Variants in ANO10 observed in about 807,000 individuals in gnomAD.
ANO10 encodes anoctamin 10.
In ANO10, 77 loss-of-function variants were observed where a neutral mutation model predicts 74.7. The observed-to-expected ratio is 1.03, with a 90% CI of 0.86 to 1.25. The LOEUF is 1.25. ANO10 is among the 50% of genes most tolerant of loss of function. The pLI is 0.00. For synonymous variants in ANO10, 279 were observed against 284.9 expected, an observed-to-expected ratio of 0.98 and a Z score of 0.21; for missense variants, 721 against 778.1, an observed-to-expected ratio of 0.93 and a Z score of 0.87.
intron 11 of ANO10, among the ~76,000 whole-genome samples, chr3:43,542,618 C>T (rs6809134): frequency 0.22 from 33,807 of 152,120 alleles, 4,293 homozygotes; most frequent in Middle Eastern, 0.36. Flanking sequence ...CCAATGTCTC[C>T]ATTTTATATC....
At chr3:43,683,383 G>T (rs2084227965) in intron 1 of ANO10, among the ~76,000 whole-genome samples, 1 of 152,124 alleles carries the variant, frequency 6.6e-6, no homozygotes, top group East Asian at 1.9e-4. Context: ...GGACATGAAG[G>T]ACCTCTTCAA....
intron 1 of ANO10, among the ~76,000 whole-genome samples, chr3:43,642,598 C>T (rs1212531261): frequency 6.6e-6 from 1 of 151,866 alleles, no homozygotes; most frequent in African/African-American, 2.4e-5. Context: ...TTTATGTGGT[C>T]CCAAAGTTAA....
chr3:43,408,232 G>T (rs932696971), intron 12 of ANO10, among the ~76,000 whole-genome samples: 1 of 152,186 alleles, frequency 6.6e-6, no homozygotes, highest in Non-Finnish European at 1.5e-5. Context: ...ACTACAGCTT[G>T]TTACCATAAT....
chr3:43,663,106 C>T (rs1386913826), intron 1 of ANO10, among the ~76,000 whole-genome samples: 6 of 152,162 alleles, frequency 3.9e-5, no homozygotes, highest in Non-Finnish European at 7.3e-5. Flanking sequence ...GAATTTTAGG[C>T]CAATATCCCT....
At chr3:43,538,416 A>G (rs942816245) in intron 11 of ANO10, among the ~76,000 whole-genome samples, 23 of 152,240 alleles carry the variant, frequency 1.5e-4, no homozygotes, top group African/African-American at 5.3e-4. Context: ...TTTTCTTTGT[A>G]TCTCCAGCAC....
intron 11 of ANO10, among the ~76,000 whole-genome samples, chr3:43,469,974 G>C (rs4505672): frequency 0.49 from 75,164 of 152,086 alleles, 20,670 homozygotes; most frequent in East Asian, 0.83. Context: ...AACAAATGCA[G>C]ATGTTGCTGA....
intron 1 of ANO10, among the ~76,000 whole-genome samples, chr3:43,658,551 C>G (rs1191336960): frequency 6.6e-6 from 1 of 152,032 alleles, no homozygotes; most frequent in Non-Finnish European, 1.5e-5. Context: ...CTCACTGCAA[C>G]CTCTGCCTCC....
intron 11 of ANO10, among the ~76,000 whole-genome samples, chr3:43,519,504 C>T (rs1488714905): frequency 3.3e-5 from 5 of 152,262 alleles, no homozygotes; most frequent in Middle Eastern, 3.4e-3. Flanking sequence ...AATGGGGCAC[C>T]GTCCAACTTT....
At chr3:43,520,628 T>C (rs1032335688) in intron 11 of ANO10, among the ~76,000 whole-genome samples, 7 of 152,200 alleles carry the variant, frequency 4.6e-5, no homozygotes, top group African/African-American at 1.2e-4. Flanking sequence ...TACATGTACA[T>C]TCTTTTTATT....
chr3:43,474,567 C>T (rs1245702008), intron 11 of ANO10, among the ~76,000 whole-genome samples: 2 of 151,974 alleles, frequency 1.3e-5, no homozygotes, highest in South Asian at 4.2e-4. Context: ...TAAAACAGCT[C>T]TTTGATGTTT....
At chr3:43,424,737 G>A (rs921291234) in intron 12 of ANO10, 7 of 152,218 alleles carry the variant, frequency 4.6e-5, no homozygotes, top group Non-Finnish European at 1.0e-4. Context: ...ACTGATTTGA[G>A]TAATAATAAA....
chr3:43,621,817 C>T (rs2083409696), intron 1 of ANO10, 92 bp downstream of exon 1: 1 of 152,986 alleles, frequency 6.5e-6, no homozygotes, highest in Non-Finnish European at 1.5e-5. Flanking sequence ...GGCGGAGCTC[C>T]TGGAGCCTGC....
intron 1 of ANO10, among the ~76,000 whole-genome samples, chr3:43,651,051 T>A (rs1244079387): frequency 1.3e-5 from 2 of 152,186 alleles, no homozygotes; most frequent in African/African-American, 4.8e-5. Flanking sequence ...TCAATTAATC[T>A]GTTACTTATA....
intron 11 of ANO10, 53 bp downstream of exon 11, chr3:43,549,667 A>G (rs1434180884): frequency 3.7e-6 from 6 of 1,603,552 alleles, no homozygotes; most frequent in African/African-American, 1.3e-5. Context: ...CTGCTTTGGA[A>G]TAGAGAAACG....
At chr3:43,433,047 C>T (rs2093013761) in intron 11 of ANO10, among the ~76,000 whole-genome samples, 1 of 138,714 alleles carries the variant, frequency 7.2e-6, no homozygotes, top group African/African-American at 2.6e-5. Context: ...GTAACCTCTG[C>T]CTCCCAGTTT....
intron 12 of ANO10, among the ~76,000 whole-genome samples, chr3:43,385,821 T>G (rs1159305383): frequency 1.3e-5 from 2 of 152,102 alleles, no homozygotes; most frequent in African/African-American, 4.8e-5. Context: ...AGTGTAGTGC[T>G]CAGGTGATGG....
At chr3:43,482,377 G>A (rs2149089608) in intron 11 of ANO10, among the ~76,000 whole-genome samples, 1 of 152,154 alleles carries the variant, frequency 6.6e-6, no homozygotes, top group South Asian at 2.1e-4. Context: ...ATACTTCACA[G>A]AGTTTGACTC....
At chr3:43,550,465 ATGT>A (rs1400384728) in intron 10 of ANO10, among the ~76,000 whole-genome samples, 5 of 152,192 alleles carry the variant, frequency 3.3e-5, no homozygotes, top group African/African-American at 4.8e-5. Context: ...GGATGGAGAA[ATGT>A]TGTGACCATT....
At chr3:43,410,816 G>A (rs192253116) in intron 12 of ANO10, among the ~76,000 whole-genome samples, 1 of 152,018 alleles carries the variant, frequency 6.6e-6, no homozygotes. Flanking sequence ...AGTTGCATGA[G>A]AAAATACACT....
Sources: gnomAD v4.1 joint callset for allele counts (sites outside exome capture counted in the v4.1 genomes callset) on GRCh38, gnomAD v4.1.1 for gene constraint, MANE v1.5 for transcripts, NCBI Gene and HGNC (gene_info 2026-07-23, HGNC 2026-07-21) for gene names.